PRPF8: variants seen among roughly 807,000 people sequenced by gnomAD.
PRPF8 encodes the protein pre-mRNA-processing-splicing factor 8.
Under a neutral mutation model 285.9 loss-of-function variants are expected in PRPF8, and 64 were observed. That is an observed-to-expected ratio of 0.22 (90% confidence interval 0.18 to 0.28). The LOEUF (loss-of-function observed/expected upper bound fraction) is 0.28, where lower values mean the gene tolerates loss of function less well. PRPF8 is among the 10% of genes least tolerant of loss of function. The pLI is 1.00. For synonymous variants in PRPF8, 1,325 were observed against 1,118.2 expected (o/e 1.18, Z -3.69); for missense variants, 1,426 against 3,026.7 (o/e 0.47, Z 12.41).
At chr17:1,672,083 T>C (rs1344219756) in intron 24 of PRPF8, among the ~76,000 whole-genome samples, 1 of 151,954 alleles carries the variant, frequency 6.6e-6, no homozygotes, top group Non-Finnish European at 1.5e-5. Flanking sequence ...TCCCAAGCAT[T>C]TTGGATAAAG....
chr17:1,652,998 A>G (rs531910809), intron 39 of PRPF8: 1 of 206,344 alleles, frequency 4.8e-6, no homozygotes, highest in African/African-American at 2.3e-5. Flanking sequence ...CAGTGATGCA[A>G]TCTTGGCTCA....
Position 1,679,755 on chromosome 17 carries a change from C to T in PRPF8, c.1143G>A (p.Pro381=), listed in dbSNP as rs375750956. Residue 381 remains proline, a synonymous_variant, in exon 9 of 43, where the codon CCG becomes CCA. Coordinates refer to ENST00000304992, the MANE Select transcript of PRPF8 (RefSeq NM_006445.4). This position sits in a 1 kb window ranked among gnomAD's most constrained non-coding sequence, Gnocchi z 4.7. ...LPDDDEEFEL[P]EFVEPFLKDT... ...CCTTCAGGAAGGGCTCCACAAACTC[C>T]GGGAGCTCAAATTCCTCATCATCAT... The T allele has an allele frequency of 8.1e-6, 13 of 1,614,020 alleles. No homozygotes were observed. The highest frequency in any genetic ancestry group is 5.3e-5 in the African/African-American group (4 of 74,902).
At chr17:1,669,265 CCTGG>C (rs1349559365) in intron 24 of PRPF8, among the ~76,000 whole-genome samples, 7 of 152,178 alleles carry the variant, frequency 4.6e-5, no homozygotes, top group Non-Finnish European at 8.8e-5. Context: ...CGCCACCGCG[CCTGG>C]CTAATTTTTG....
Position 1,684,819 on chromosome 17 carries a change from G to A in PRPF8, c.-51C>T. On this transcript the variant is annotated 5_prime_UTR_variant, in exon 1 of 43. Transcript: ENST00000304992. ...CACAAGAGGCCGCTTTCCCCGCAGC[G>A]CAATGGCGGCCAGACTGCGTCCGCT... The A allele has an allele frequency of 3.3e-6, 2 of 597,884 alleles. No individual in the cohort carries two copies. Among genetic ancestry groups the A allele is most frequent in the Non-Finnish European group, 6.0e-6 (2 of 334,602 alleles). The allele number at this position is 597,884 out of a possible 1,614,324, so 37.0% of individuals were successfully genotyped here. A position where few individuals can be genotyped will look rare whatever the true frequency, so the allele number is the denominator to read the frequency against.
chr17:1,656,355 T>C (rs1911388276), intron 36 of PRPF8, 37 bp downstream of exon 36: 11 of 1,613,496 alleles, frequency 6.8e-6, no homozygotes, highest in Non-Finnish European at 9.3e-6. Context: ...CTAAACCCGC[T>C]CCTCCTCCAG....
chr17:1,677,820 G>T, intron 13 of PRPF8, 126 bp from the exon 14 acceptor site: 1 of 1,263,448 alleles, frequency 7.9e-7, no homozygotes, highest in Non-Finnish European at 1.1e-6. Flanking sequence ...TGGCAGTAGA[G>T]GGGTAAAAAG....
chr17:1,671,659 G>C (rs769045257), intron 24 of PRPF8, among the ~76,000 whole-genome samples: 4 of 152,002 alleles, frequency 2.6e-5, no homozygotes, highest in African/African-American at 7.3e-5. Context: ...AGACCATCCT[G>C]GCTAACACGG....
At chr17:1,663,459 T>C (rs1911781857) in intron 24 of PRPF8, among the ~76,000 whole-genome samples, 1 of 151,954 alleles carries the variant, frequency 6.6e-6, no homozygotes, top group Admixed American at 6.6e-5. Flanking sequence ...ACACCTGTAA[T>C]CCCAGCACTC....
rs547151885 is a variant in PRPF8 at position 1,683,795 on chromosome 17, G to A, written c.101-94C>T. On this transcript the variant is annotated intron_variant, in intron 2 of 42. Coordinates refer to ENST00000304992, the MANE Select transcript of PRPF8 (RefSeq NM_006445.4). The stretch of plus-strand genomic sequence containing the variant: ...GTAAGCTCCTGTCAGTGAGTGTGAG[G>A]GAGAAGCAGGCACCAGCAGGAAGAA... 2.3e-5 allele frequency: 34 copies of A among 1,473,252 alleles called. No homozygotes were observed. The East Asian group carries it at 5.0e-4, about 22-fold the overall frequency. 91.3% of individuals were successfully genotyped at this position (1,473,252 alleles called of 1,614,324 possible). A position where few individuals can be genotyped will look rare whatever the true frequency, so the allele number is the denominator to read the frequency against.
Position 1,653,839 on chromosome 17 carries a change from G to T in PRPF8, c.6165C>A (p.Ile2055=). The T allele has an allele frequency of 7.4e-6, 12 of 1,614,190 alleles. No individual in the cohort carries two copies. The highest frequency in any genetic ancestry group is 1.0e-5 in the Non-Finnish European group (12 of 1,180,040). ...TCTCATAGTTGCTGGTGGTGGAGGT[G>T]ATGATCTCATCGCCATGCTTGTTGA... ...RTVNKHGDEI[I]TSTTSNYETQ... Residue 2055 remains isoleucine (I), a synonymous_variant, in exon 38 of 43, where the codon ATC becomes ATA. Coordinates refer to ENST00000304992, the MANE Select transcript of PRPF8 (RefSeq NM_006445.4). The surrounding 1 kb of genome is among the most constrained non-coding windows in gnomAD (Gnocchi z 4.9).
At position 1,658,851 on chromosome 17, in the gene PRPF8, G is replaced by A; in HGVS notation, c.5139-88C>T. On this transcript the variant is annotated intron_variant, in intron 32 of 42. Transcript: ENST00000304992. The surrounding 1 kb of genome is among the most constrained non-coding windows in gnomAD (Gnocchi z 4.1). Reference sequence around the variant, plus strand: ...GCTGCCAACTCTACAGAGGAAGAAAGACTGTTCGCCAGGCTGACAACACTC... The same window carrying A: ...GCTGCCAACTCTACAGAGGAAGAAAAACTGTTCGCCAGGCTGACAACACTC... 1.7e-6 allele frequency: 2 copies of A among 1,170,832 alleles called. No homozygotes were observed. Among genetic ancestry groups the A allele is most frequent in the Non-Finnish European group, 1.3e-6 (1 of 780,970 alleles). The allele number at this position is 1,170,832 out of a possible 1,614,324, so 72.5% of individuals were successfully genotyped here.
chr17:1,677,452 A>G (rs911288411), intron 14 of PRPF8, 113 bp downstream of exon 14: 43 of 1,512,274 alleles, frequency 2.8e-5, no homozygotes, highest in Non-Finnish European at 3.8e-5. Context: ...AACTGGACCT[A>G]AAGGCAATCC....
chr17:1,683,821 G>A, intron 2 of PRPF8, 120 bp from the exon 3 acceptor site: 9 of 1,160,552 alleles, frequency 7.8e-6, no homozygotes, highest in African/African-American at 1.5e-5. Context: ...GCAGGAAGAA[G>A]CACCCCTTGC....
At chr17:1,660,218 C>G (rs991251626) in intron 30 of PRPF8, among the ~76,000 whole-genome samples, 4 of 150,686 alleles carry the variant, frequency 2.7e-5, no homozygotes, top group Admixed American at 6.6e-5. Flanking sequence ...CCCCGCGATT[C>G]CACCTAAGCT....
intron 13 of PRPF8, among the ~76,000 whole-genome samples, chr17:1,678,043 G>A (rs879191351): frequency 1.3e-5 from 2 of 152,162 alleles, no homozygotes; most frequent in Admixed American, 6.5e-5. Flanking sequence ...GGCTGGGCAC[G>A]GTGACTCACG....
Position 1,674,654 on chromosome 17 carries a change from C to T in PRPF8, c.3087G>A (p.Gly1029=), listed in dbSNP as rs1912515722. 2 of 1,613,990 alleles carry T rather than the reference C, an allele frequency of 1.2e-6. No individual in the cohort carries two copies. Among genetic ancestry groups the T allele is most frequent in the Non-Finnish European group, 1.7e-6 (2 of 1,179,966 alleles). ...AGGCAAACTGCAGGCCTCTGATGAT[C>T]CCATATGAATTCGTATGGTTCATGT... ...YKDMNHTNSY[G]IIRGLQFASF... is the part of the protein sequence containing the mutation. The change falls in exon 21 of 43, where the codon GGG becomes GGA. Residue 1029 remains glycine (G), a synonymous_variant. Transcript: ENST00000304992.
At chr17:1,654,157 G>T (rs1911223891) in intron 37 of PRPF8, 141 bp from the exon 38 acceptor site, 1 of 1,282,904 alleles carries the variant, frequency 7.8e-7, no homozygotes, top group Non-Finnish European at 1.1e-6. Context: ...TCTACAGGAA[G>T]TGTGAAACGG....
Position 1,675,101 on chromosome 17 carries a change from G to A in PRPF8, c.3060+51C>T, listed in dbSNP as rs762516843. 1.9e-6 allele frequency: 3 copies of A among 1,605,670 alleles called. No individual in the cohort carries two copies. The highest frequency in any genetic ancestry group is 2.7e-5 in the African/African-American group (2 of 74,740). On this transcript the variant is annotated intron_variant, in intron 20 of 42. Transcript: ENST00000304992. The surrounding 1 kb of genome is among the most constrained non-coding windows in gnomAD (Gnocchi z 6.0). ...TCCTCAGCAAATTCTGAGTCAGTGGGCCAGACAAGCACTCCACACACAATT... is the reference window on the plus strand; with the variant it reads ...TCCTCAGCAAATTCTGAGTCAGTGGACCAGACAAGCACTCCACACACAATT...
intron 24 of PRPF8, among the ~76,000 whole-genome samples, chr17:1,671,753 AG>A (rs1324066782): frequency 1.4e-5 from 2 of 146,728 alleles, no homozygotes; most frequent in African/African-American, 5.1e-5. Context: ...CAGGAGGCTG[AG>A]GCAGGAGAAT....
Sources: gnomAD v4.1 joint callset for allele counts (sites outside exome capture counted in the v4.1 genomes callset) on GRCh38, gnomAD v4.1.1 for gene constraint, Gnocchi (gnomAD v3.1) non-coding constraint, MANE v1.5 for transcripts, NCBI Gene and HGNC (gene_info 2026-07-23, HGNC 2026-07-21) for gene names.